The following PRDM16 variants were observed in gnomAD, a reference collection of about 807,000 sequenced individuals.
The protein encoded by PRDM16 is PR/SET domain 16.
Under a neutral mutation model 110.6 loss-of-function variants are expected in PRDM16, and 23 were observed. The ratio of observed to expected loss-of-function variants is 0.21; its 90% CI spans 0.15 to 0.29. The LOEUF is 0.29. Ranked by LOEUF, PRDM16 falls within the 10% of genes least tolerant of loss-of-function variation. The pLI is 1.00. For missense variants in PRDM16, 1,615 were observed against 1,794.3 expected (o/e 0.90, Z 1.81); for synonymous variants, 799 against 781.8 (o/e 1.02, Z -0.37).
intron 3 of PRDM16, among the ~76,000 whole-genome samples, chr1:3,324,284 C>T (rs867396320): frequency 6.6e-6 from 1 of 152,172 alleles, no homozygotes; most frequent in African/African-American, 2.4e-5. Flanking sequence ...GGGTCGCCCC[C>T]AGCCTGCCGG....
At chr1:3,423,769 G>T (rs1557668614) in intron 12 of PRDM16, among the ~76,000 whole-genome samples, 1 of 152,226 alleles carries the variant, frequency 6.6e-6, no homozygotes, top group Non-Finnish European at 1.5e-5. Flanking sequence ...GCCCTGGCCT[G>T]GTCTCCAGCT....
intron 1 of PRDM16, among the ~76,000 whole-genome samples, chr1:3,116,840 A>G (rs1041382011): frequency 3.9e-5 from 6 of 152,000 alleles, no homozygotes; most frequent in African/African-American, 1.4e-4. Context: ...GTGTGCCCCC[A>G]CCTGCCTCCA....
In PRDM16 at chr1:3,434,594, A is replaced by G. The variant is rs1638857963; in HGVS notation, c.*783A>G. On this transcript the variant is annotated 3_prime_UTR_variant, in exon 17 of 17. Transcript: ENST00000270722. ...TCTTAGGCAGGGCGCCCTGGGCTGC[A>G]GGCCTGCCCGAGGCTGGGATGGGAA... is the stretch of plus-strand genomic sequence containing the variant. The G allele has an allele frequency of 8.6e-6, 2 of 231,918 alleles. No individual in the cohort carries two copies. The highest frequency in any genetic ancestry group is 3.6e-4 in the South Asian group (2 of 5,526). 14.4% of individuals were successfully genotyped at this position (231,918 alleles called of 1,614,324 possible).
intron 4 of PRDM16, 127 bp from the exon 5 acceptor site, chr1:3,396,364 G>C: frequency 1.4e-6 from 1 of 712,522 alleles, no homozygotes. Context: ...CCCTCTTGGT[G>C]GCAATTAGAG....
intron 1 of PRDM16, among the ~76,000 whole-genome samples, chr1:3,114,729 G>C (rs1042291836): frequency 1.3e-5 from 2 of 152,256 alleles, no homozygotes; most frequent in Admixed American, 6.5e-5. Flanking sequence ...TCCTGCAGCC[G>C]GGTAGATGGT....
chr1:3,325,119 C>T (rs896917824), intron 3 of PRDM16, among the ~76,000 whole-genome samples: 9 of 152,216 alleles, frequency 5.9e-5, no homozygotes, highest in Non-Finnish European at 1.3e-4. Flanking sequence ...ACTGAAAATG[C>T]GTCCTTTGGA....
intron 1 of PRDM16, among the ~76,000 whole-genome samples, chr1:3,092,356 C>A (rs1416505924): frequency 6.6e-6 from 1 of 151,996 alleles, no homozygotes; most frequent in Admixed American, 6.5e-5. Flanking sequence ...CAAAGGCACC[C>A]GGTCCTGCCC....
At chr1:3,386,979 T>G (rs1423259615) in intron 4 of PRDM16, 1 of 143,912 alleles carries the variant, frequency 6.9e-6, no homozygotes, top group African/African-American at 2.7e-5. Flanking sequence ...ACGTGTAATC[T>G]CAAAGAGAAG....
chr1:3,105,606 T>C (rs554569052), intron 1 of PRDM16, among the ~76,000 whole-genome samples: 1 of 152,338 alleles, frequency 6.6e-6, no homozygotes, highest in African/African-American at 2.4e-5. Flanking sequence ...CCCTTCCTCA[T>C]GACTGTGATT....
At chr1:3,196,933 C>T (rs992159209) in intron 2 of PRDM16, among the ~76,000 whole-genome samples, 1 of 152,154 alleles carries the variant, frequency 6.6e-6, no homozygotes, top group Non-Finnish European at 1.5e-5. Context: ...TGCGAAGAGG[C>T]GGGTGCCTGG....
In PRDM16 at chr1:3,356,624, C is replaced by T. The variant is rs118011975; in HGVS notation, c.439-28528C>T. ...TGTGTCTGGACGCTGTTCTAAGGAG[C>T]GCTTCACATAGATGATCTTAGCCTG... On this transcript the variant is annotated intron_variant, in intron 3 of 16. Coordinates refer to ENST00000270722, the MANE Select transcript of PRDM16 (RefSeq NM_022114.4). Among the ~76,000 whole-genome samples the T allele has an allele frequency of 6.4e-3, 975 of 152,306 alleles. 19 individuals are homozygous for T. Among genetic ancestry groups the T allele is most frequent in the East Asian group, 0.04 (205 of 5,186 alleles).
chr1:3,072,159 C>CGGTAGGG (rs369396496), intron 1 of PRDM16, among the ~76,000 whole-genome samples: 39 of 152,304 alleles, frequency 2.6e-4, no homozygotes, highest in African/African-American at 9.4e-4. Context: ...GGCGGTAGGG[C>CGGTAGGG]CGGTGGGGTA....
chr1:3,113,317 C>T (rs1642837036), intron 1 of PRDM16, among the ~76,000 whole-genome samples: 1 of 152,204 alleles, frequency 6.6e-6, no homozygotes, highest in African/African-American at 2.4e-5. Flanking sequence ...CCGGAGGAGA[C>T]AGGACGGCTA....
chr1:3,326,236 C>T (rs1192567732), intron 3 of PRDM16, among the ~76,000 whole-genome samples: 1 of 152,268 alleles, frequency 6.6e-6, no homozygotes, highest in Non-Finnish European at 1.5e-5. Context: ...CTTCTAGACA[C>T]ATCACCTCCA....
At chr1:3,249,797 G>T (rs1639883631) in intron 3 of PRDM16, among the ~76,000 whole-genome samples, 1 of 152,234 alleles carries the variant, frequency 6.6e-6, no homozygotes, top group South Asian at 2.1e-4. Flanking sequence ...TTGTCCCAGG[G>T]TTGCTGATAA....
intron 6 of PRDM16, among the ~76,000 whole-genome samples, chr1:3,403,974 C>T (rs536826677): frequency 1.2e-4 from 18 of 152,312 alleles, no homozygotes; most frequent in Non-Finnish European, 1.9e-4. Context: ...TCCCAGTAAA[C>T]GCCGCTCAAG....
chr1:3,336,998 T>C (rs1642171580), intron 3 of PRDM16, among the ~76,000 whole-genome samples: 1 of 151,150 alleles, frequency 6.6e-6, no homozygotes, highest in Admixed American at 6.6e-5. Context: ...TGTGTGTGCA[T>C]GCATGCATGC....
Position 3,430,974 on chromosome 1 carries a change from C to T in PRDM16, c.3387C>T (p.Asp1129=), listed in dbSNP as rs1435855185. The change falls in exon 15 of 17, where the codon GAC becomes GAT. Residue 1129 remains aspartate, a synonymous_variant. Transcript: ENST00000270722. The part of the protein sequence containing the change: ...EEEDDDDLEE[D]DEDSLAGKSQ... The stretch of plus-strand genomic sequence containing the variant: ...AGGACGACGATGACCTGGAGGAGGA[C>T]GATGAGGACAGCCTGGCCGGGAAGT... 1.6e-5 allele frequency: 26 copies of T among 1,611,232 alleles called. No homozygotes were observed. Among genetic ancestry groups the T allele is most frequent in the African/African-American group, 9.4e-5 (7 of 74,860 alleles).
intron 3 of PRDM16, among the ~76,000 whole-genome samples, chr1:3,302,842 A>G (rs1353855968): frequency 6.6e-6 from 1 of 152,186 alleles, no homozygotes; most frequent in Non-Finnish European, 1.5e-5. Flanking sequence ...GGGAGCACAC[A>G]TGCCAGACAA....
Sources: gnomAD v4.1 joint callset for allele counts (sites outside exome capture counted in the v4.1 genomes callset) on GRCh38, gnomAD v4.1.1 for gene constraint, MANE v1.5 for transcripts, NCBI Gene and HGNC (gene_info 2026-07-23, HGNC 2026-07-21) for gene names.